Variants in KDM4B observed in about 807,000 individuals in gnomAD.
KDM4B encodes the protein lysine demethylase 4B, also known as lysine-specific demethylase 4B.
A neutral mutation model predicts 125.2 loss-of-function variants in KDM4B; 32 were observed. The observed-to-expected ratio is 0.26, with a 90% CI of 0.19 to 0.34. The LOEUF (loss-of-function observed/expected upper bound fraction) is 0.34. Among genes scored for constraint, KDM4B ranks in the 10% least tolerant of loss-of-function variants. KDM4B has a pLI of 1.00. For missense variants in KDM4B, 1,190 were observed against 1,577.7 expected (o/e 0.75, Z 4.16); for synonymous variants, 721 against 677.9 (o/e 1.06, Z -0.99).
intron 2 of KDM4B, among the ~76,000 whole-genome samples, chr19:5,028,661 C>A (rs1243519982): frequency 1.3e-5 from 2 of 152,194 alleles, no homozygotes; most frequent in Non-Finnish European, 2.9e-5. Context: ...AGCTGTCTTG[C>A]AGAGCAGCTG....
chr19:5,013,650 G>C (rs905190844), intron 1 of KDM4B, among the ~76,000 whole-genome samples: 3 of 152,180 alleles, frequency 2.0e-5, no homozygotes, highest in Non-Finnish European at 2.9e-5. Flanking sequence ...GCGTTTTCCA[G>C]GCCTTGACTC....
chr19:4,986,901 G>T (rs1315231913), intron 1 of KDM4B, among the ~76,000 whole-genome samples: 1 of 152,236 alleles, frequency 6.6e-6, no homozygotes, highest in Non-Finnish European at 1.5e-5. Flanking sequence ...AGCCGTGAGG[G>T]CAAAGGCTGG....
chr19:5,075,942 G>A, intron 7 of KDM4B: 2 of 157,206 alleles, frequency 1.3e-5, no homozygotes, highest in South Asian at 3.4e-4. Context: ...TCATGGCCTT[G>A]AAAGCAGGTG....
At position 5,082,528 on chromosome 19, in the gene KDM4B, G is replaced by C. The variant is rs201422945; in HGVS notation, c.918+24G>C. ...AGGTAAAAGCTTGCCTGCTGGGAAC[G>C]GGTCCCAGCAGGGCGGGAGGAGGCT... On this transcript the variant is annotated intron_variant, in intron 9 of 22. Transcript: ENST00000159111. This position sits in a 1 kb window ranked among gnomAD's most constrained non-coding sequence, Gnocchi z 5.4. The C allele has an allele frequency of 5.8e-6, 9 of 1,564,784 alleles. No individual in the cohort carries two copies. The highest frequency in any genetic ancestry group is 4.5e-5 in the East Asian group (2 of 44,276).
At position 4,988,024 on chromosome 19, in the gene KDM4B, A is replaced by G. The variant is rs542269492; in HGVS notation, c.-109+18794A>G. ...TGGTCTTGGGCCTGAGAACGTGGGA[A>G]TAACAAACTCAGTTTCTCCCAGGCT... On this transcript the variant is annotated intron_variant, in intron 1 of 22. Transcript: ENST00000159111. Among the ~76,000 whole-genome samples the G allele has an allele frequency of 8.0e-4, 122 of 152,326 alleles. 3 individuals carry two copies. The highest frequency in any genetic ancestry group is 1.2e-3 in the East Asian group (6 of 5,168).
At chr19:4,992,977 A>G (rs1342873192) in intron 1 of KDM4B, among the ~76,000 whole-genome samples, 4 of 152,146 alleles carry the variant, frequency 2.6e-5, no homozygotes, top group African/African-American at 9.7e-5. Flanking sequence ...GGCTTGTTTT[A>G]TGGACTAACA....
chr19:5,008,384 G>A (rs1311613430), intron 1 of KDM4B, among the ~76,000 whole-genome samples: 1 of 152,088 alleles, frequency 6.6e-6, no homozygotes, highest in African/African-American at 2.4e-5. Context: ...CTGTACTTAT[G>A]CCAGTACCAT....
chr19:5,049,809 C>G (rs1344864059), intron 6 of KDM4B, among the ~76,000 whole-genome samples: 7 of 152,188 alleles, frequency 4.6e-5, no homozygotes, highest in Non-Finnish European at 1.0e-4. Flanking sequence ...CAGCAGGGGC[C>G]TGGCACAGAG....
intron 9 of KDM4B, among the ~76,000 whole-genome samples, chr19:5,084,258 G>T (rs527532136): frequency 2.7e-5 from 4 of 145,824 alleles, no homozygotes; most frequent in African/African-American, 1.0e-4. Flanking sequence ...AAAAAAATAC[G>T]TATTTATATA....
intron 9 of KDM4B, among the ~76,000 whole-genome samples, chr19:5,084,577 T>TATATAAATATAAATTATATAAATTA: frequency 7.1e-6 from 1 of 141,498 alleles, no homozygotes; most frequent in Non-Finnish European, 1.5e-5. Context: ...ATTATATGTA[T>TATATAAATATAAATTATATAAATTA]TATATATAAA....
At chr19:5,015,517 G>T (rs1383715812) in intron 1 of KDM4B, among the ~76,000 whole-genome samples, 8 of 151,782 alleles carry the variant, frequency 5.3e-5, no homozygotes, top group Admixed American at 4.6e-4. Context: ...CTCCCAAAGT[G>T]CTGGGATTCC....
chr19:5,114,109 T>G lies in KDM4B; in HGVS notation c.1115+3291T>G. ...TCCCCACTCCCGGTGGCGCTGTGCG[T>G]TCTGGTGCCCTGCCTGAGCCGGAGC... On this transcript the variant is annotated intron_variant, in intron 10 of 22. Coordinates refer to ENST00000159111, the MANE Select transcript of KDM4B (RefSeq NM_015015.3). The surrounding 1 kb of genome is among the most constrained non-coding windows in gnomAD (Gnocchi z 5.8). 1 of 1,289,366 alleles carries G rather than the reference T, an allele frequency of 7.8e-7. No homozygotes were observed. The highest frequency in any genetic ancestry group is 1.0e-6 in the Non-Finnish European group (1 of 988,708). 79.9% of individuals were successfully genotyped at this position (1,289,366 alleles called of 1,614,324 possible).
intron 13 of KDM4B, among the ~76,000 whole-genome samples, chr19:5,132,406 C>G (rs1263854735): frequency 2.0e-5 from 3 of 152,144 alleles, no homozygotes; most frequent in African/African-American, 7.2e-5. Flanking sequence ...AACCCTCAGC[C>G]GAGAGCTGCT....
rs144649572 is a variant in KDM4B at position 5,066,016 on chromosome 19, C to T, written c.627-4994C>T. On this transcript the variant is annotated intron_variant, in intron 6 of 22. Transcript: ENST00000159111. Reference sequence around the variant, plus strand: ...GGGACATGCGGCTCGTTGCTGCCTACGTTGGGCCCAGTCCTTGGCTGCAGT... The same window carrying T: ...GGGACATGCGGCTCGTTGCTGCCTATGTTGGGCCCAGTCCTTGGCTGCAGT... 2.2e-3 allele frequency among the ~76,000 whole-genome samples: 342 copies of T among 152,330 alleles called. 1 individual carries two copies. Among genetic ancestry groups the T allele is most frequent in the Middle Eastern group, 0.01 (3 of 294 alleles).
chr19:5,124,627 C>A (rs995210302), intron 11 of KDM4B, among the ~76,000 whole-genome samples: 1 of 152,188 alleles, frequency 6.6e-6, no homozygotes, highest in African/African-American at 2.4e-5. Flanking sequence ...GATGGAGTTC[C>A]GCTCTGTCAC....
intron 18 of KDM4B, among the ~76,000 whole-genome samples, chr19:5,143,662 A>T (rs1271362991): frequency 6.6e-6 from 1 of 152,082 alleles, no homozygotes; most frequent in Non-Finnish European, 1.5e-5. Flanking sequence ...GCAGTCAGTG[A>T]CACGCAGGGG....
rs555741224 is a variant in KDM4B at position 5,152,034 on chromosome 19, G to A, written c.*523G>A. 2.0e-5 allele frequency: 3 copies of A among 152,150 alleles called. No homozygotes were observed. Among genetic ancestry groups the A allele is most frequent in the Admixed American group, 6.5e-5 (1 of 15,278 alleles). 9.4% of individuals were successfully genotyped at this position (152,150 alleles called of 1,614,324 possible). On this transcript the variant is annotated 3_prime_UTR_variant, in exon 23 of 23. Transcript: ENST00000159111. ...GGTCAGAGCATCTCGCTGTTTTTTT[G>A]TTGTTGTTTTAAAATATTATGATTT...
At chr19:5,109,270 T>G (rs1387392622) in intron 9 of KDM4B, among the ~76,000 whole-genome samples, 1 of 152,158 alleles carries the variant, frequency 6.6e-6, no homozygotes, top group East Asian at 1.9e-4. Flanking sequence ...AGACCAGAGC[T>G]TCCTGGCCGC....
chr19:5,087,121 CACTTGTGGCCTAA>C (rs1258079948), intron 9 of KDM4B, among the ~76,000 whole-genome samples: 4 of 152,244 alleles, frequency 2.6e-5, no homozygotes, highest in Admixed American at 2.6e-4. Flanking sequence ...CCCAGGCCGG[CACTTGTGGCCTAA>C]ACACGGCCTC....
Sources: gnomAD v4.1 joint callset for allele counts (sites outside exome capture counted in the v4.1 genomes callset) on GRCh38, gnomAD v4.1.1 for gene constraint, Gnocchi (gnomAD v3.1) non-coding constraint, MANE v1.5 for transcripts, NCBI Gene and HGNC (gene_info 2026-07-23, HGNC 2026-07-21) for gene names.